Variants in ARID1B observed in about 807,000 individuals in gnomAD.
ARID1B encodes the protein AT-rich interactive domain-containing protein 1B.
Under a neutral mutation model 212.3 loss-of-function variants are expected in ARID1B, and 30 were observed. The observed-to-expected ratio is 0.14, with a 90% confidence interval of 0.11 to 0.19. The LOEUF is 0.19. ARID1B is among the 10% of genes least tolerant of loss of function. The pLI is 1.00. For missense variants in ARID1B, 2,891 were observed against 3,204.0 expected, an observed-to-expected ratio of 0.90 and a Z score of 2.36; for synonymous variants, 1,402 against 1,301.7, an observed-to-expected ratio of 1.08 and a Z score of -1.66.
chr6:156,938,334 G>A (rs1164629336), intron 4 of ARID1B: 2 of 152,124 alleles, frequency 1.3e-5, no homozygotes, highest in African/African-American at 4.8e-5. Context: ...ACTTGGCTGG[G>A]TTGATTCTGG....
intron 8 of ARID1B, chr6:157,150,025 G>C (rs756995573): frequency 2.4e-4 from 37 of 151,878 alleles, no homozygotes; most frequent in Non-Finnish European, 4.7e-4. Flanking sequence ...AACTCCAGCA[G>C]TCTAGCCCTC....
intron 4 of ARID1B, among the ~76,000 whole-genome samples, chr6:156,987,999 C>T (rs1212916781): frequency 3.3e-5 from 5 of 152,064 alleles, no homozygotes; most frequent in Non-Finnish European, 7.4e-5. Context: ...AATGGAATAT[C>T]GTGGAAATGG....
At chr6:157,143,773 C>T (rs756696390) in intron 7 of ARID1B, among the ~76,000 whole-genome samples, 17 of 152,182 alleles carry the variant, frequency 1.1e-4, no homozygotes, top group East Asian at 1.9e-4. Flanking sequence ...TGTCCAGGCA[C>T]GTGAGTCTAA....
At chr6:156,942,644 A>C (rs2128288567) in intron 4 of ARID1B, 1 of 151,342 alleles carries the variant, frequency 6.6e-6, no homozygotes, top group Admixed American at 6.6e-5. Context: ...ACATGACTCT[A>C]ATGTTCTGAG....
At chr6:157,195,667 G>A (rs1000630206) in intron 15 of ARID1B, 1 of 158,770 alleles carries the variant, frequency 6.3e-6, no homozygotes, top group African/African-American at 2.4e-5. Flanking sequence ...CGGGCAGGGG[G>A]TGCTGGATCT....
At chr6:157,084,990 T>C (rs2128464071) in intron 5 of ARID1B, 85 bp downstream of exon 5, 1 of 1,487,770 alleles carries the variant, frequency 6.7e-7, no homozygotes, top group Non-Finnish European at 9.0e-7. Flanking sequence ...ATTACTTTAC[T>C]ATTTAAAACC....
At chr6:157,119,368 G>A (rs551044990) in intron 6 of ARID1B, among the ~76,000 whole-genome samples, 15 of 152,300 alleles carry the variant, frequency 9.8e-5, no homozygotes, top group African/African-American at 3.1e-4. Context: ...GGATAAAGGT[G>A]CACTGATCTG....
chr6:156,892,698 AT>A (rs1359775838), intron 2 of ARID1B, among the ~76,000 whole-genome samples: 4 of 152,170 alleles, frequency 2.6e-5, no homozygotes. Flanking sequence ...CAGGCCCCAT[AT>A]CCCACAATCA....
At chr6:157,118,827 G>C (rs1369702109) in intron 6 of ARID1B, among the ~76,000 whole-genome samples, 2 of 152,216 alleles carry the variant, frequency 1.3e-5, no homozygotes, top group African/African-American at 4.8e-5. Flanking sequence ...GGAAGCATCA[G>C]TCGAAGTTTT....
intron 4 of ARID1B, among the ~76,000 whole-genome samples, chr6:156,999,274 T>A (rs1017074973): frequency 6.6e-6 from 1 of 152,240 alleles, no homozygotes; most frequent in Non-Finnish European, 1.5e-5. Flanking sequence ...GTTAACAGCA[T>A]GTAATCAGTC....
In ARID1B at chr6:156,891,874, G is replaced by GTTT. The variant is rs555568271; in HGVS notation, c.1987-9489_1987-9487dup. 2.1e-4 allele frequency among the ~76,000 whole-genome samples: 28 copies of GTTT among 132,580 alleles called. 1 individual carries two copies. The highest frequency in any genetic ancestry group is 7.9e-4 in the African/African-American group (28 of 35,490). The allele number at this position is 132,580 out of a possible 152,430, so 87.0% of individuals were successfully genotyped here. A position where few individuals can be genotyped will look rare whatever the true frequency, so the allele number is the denominator to read the frequency against. On this transcript the variant is annotated intron_variant, in intron 2 of 19. Transcript: ENST00000636930. ...TTCATACCTTTTCTTTTTCTTTTCT[G>GTTT]TTTTTTTTTTTTTTTGAGACGGAGT...
At chr6:156,993,660 T>C (rs1215092736) in intron 4 of ARID1B, among the ~76,000 whole-genome samples, 1 of 152,198 alleles carries the variant, frequency 6.6e-6, no homozygotes, top group Non-Finnish European at 1.5e-5. Context: ...AATCCCAACT[T>C]TCAAAATTTT....
intron 4 of ARID1B, chr6:156,942,030 C>T (rs368527430): frequency 6.6e-6 from 1 of 151,980 alleles, no homozygotes; most frequent in East Asian, 1.9e-4. Context: ...CTAAGCATGC[C>T]CCTGAAAACT....
intron 3 of ARID1B, among the ~76,000 whole-genome samples, chr6:156,913,263 C>G (rs1024009272): frequency 5.5e-5 from 8 of 145,064 alleles, no homozygotes; most frequent in African/African-American, 2.1e-4. Flanking sequence ...GTCACTCAGG[C>G]TGGAGTGCAG....
At position 157,068,401 on chromosome 6, in the gene ARID1B, T is replaced by A. The variant is rs1410497770; in HGVS notation, c.2248-16261T>A. Among the ~76,000 whole-genome samples, 3 of 152,344 alleles carry A rather than the reference T, an allele frequency of 2.0e-5. No individual in the cohort carries two copies. In the East Asian group the frequency reaches 5.8e-4, roughly 29 times the overall value. ...ATGATGGTCTCTTGTTTTATGGACC[T>A]GTGCACAATACAGGCTGTTGGGGAT... is the stretch of plus-strand genomic sequence containing the variant. On this transcript the variant is annotated intron_variant, in intron 4 of 19. Coordinates refer to ENST00000636930, the MANE Select transcript of ARID1B (RefSeq NM_001374828.1).
Position 157,107,728 on chromosome 6 carries a change from T to C in ARID1B, c.2492-2744T>C, listed in dbSNP as rs1307203292. ...ACGGGGGCTCTCTTTATTTATTTTT[T>C]TAAGCTATTTTAATGTTAAAGTGCC... On this transcript the variant is annotated intron_variant, in intron 5 of 19. Transcript: ENST00000636930. The C allele has an allele frequency of 2.6e-5, 4 of 152,214 alleles. No individual in the cohort carries two copies. In the East Asian group the frequency reaches 7.7e-4, roughly 29 times the overall value. 9.4% of individuals were successfully genotyped at this position (152,214 alleles called of 1,614,324 possible).
intron 4 of ARID1B, among the ~76,000 whole-genome samples, chr6:156,944,998 C>G (rs1373213118): frequency 6.7e-6 from 1 of 150,276 alleles, no homozygotes; most frequent in Non-Finnish European, 1.5e-5. Context: ...TCTCGGCTCA[C>G]TGCAACCTCT....
intron 2 of ARID1B, chr6:156,829,857 A>T (rs1476787804): frequency 6.5e-6 from 1 of 153,076 alleles, no homozygotes; most frequent in African/African-American, 2.4e-5. Context: ...GAAAAAAAAA[A>T]AGTTTAGTCT....
At chr6:157,046,670 T>A (rs563729205) in intron 4 of ARID1B, among the ~76,000 whole-genome samples, 9 of 152,324 alleles carry the variant, frequency 5.9e-5, no homozygotes, top group Middle Eastern at 3.4e-3. Flanking sequence ...AAAAATAGAA[T>A]TTTGTTGTTG....
Sources: gnomAD v4.1 joint callset for allele counts (sites outside exome capture counted in the v4.1 genomes callset) on GRCh38, gnomAD v4.1.1 for gene constraint, MANE v1.5 for transcripts, NCBI Gene and HGNC (gene_info 2026-07-23, HGNC 2026-07-21) for gene names.